DHX16: variants seen among roughly 807,000 people sequenced by gnomAD.
DHX16 encodes DEAH-box helicase 16, also known as pre-mRNA-splicing factor ATP-dependent RNA helicase DHX16.
In DHX16, 81 loss-of-function variants were observed where a neutral mutation model predicts 131.2. The ratio of observed to expected loss-of-function variants is 0.62; its 90% CI spans 0.52 to 0.74. The LOEUF is 0.74. Ranked by LOEUF, DHX16 falls within the 30% of genes least tolerant of loss-of-function variation. The probability of loss-of-function intolerance (pLI) is 0.00; values close to 1 mark genes in which losing one functional copy is unlikely to be tolerated. For synonymous variants in DHX16, 440 were observed against 520.2 expected (o/e 0.85, Z 2.10); for missense variants, 980 against 1,363.1 (o/e 0.72, Z 4.43).
intron 4 of DHX16, among the ~76,000 whole-genome samples, chr6:30,667,989 ATTC>A (rs1191222045): frequency 6.6e-6 from 1 of 152,242 alleles, no homozygotes; most frequent in Admixed American, 6.5e-5. Flanking sequence ...CCTTGACTGC[ATTC>A]TTGTTAGGAA....
Position 30,655,088 on chromosome 6 carries a change from G to A in DHX16, c.2823+87C>T, listed in dbSNP as rs543690636. The A allele has an allele frequency of 1.1e-4, 165 of 1,551,796 alleles. 1 individual carries two copies. Among genetic ancestry groups the A allele is most frequent in the South Asian group, 2.2e-4 (19 of 86,108 alleles). ...CAAGGGGAAGAGGGCATGCTCTCAC[G>A]CTGGAGGAAATGCTGCATGCCCCCA... On this transcript the variant is annotated intron_variant, in intron 18 of 19. Coordinates refer to ENST00000376442, the MANE Select transcript of DHX16 (RefSeq NM_003587.5).
intron 4 of DHX16, among the ~76,000 whole-genome samples, chr6:30,668,464 A>C (rs1769236982): frequency 6.6e-6 from 1 of 152,188 alleles, no homozygotes; most frequent in African/African-American, 2.4e-5. Context: ...CAGACTGGCC[A>C]ACATGGTGAA....
At chr6:30,667,739 C>T (rs1769180469) in intron 4 of DHX16, among the ~76,000 whole-genome samples, 1 of 152,032 alleles carries the variant, frequency 6.6e-6, no homozygotes, top group Non-Finnish European at 1.5e-5. Flanking sequence ...AGTATGTCCC[C>T]GTGATATGAC....
In DHX16 at chr6:30,670,425, T is replaced by C; in HGVS notation, c.651A>G (p.Glu217=). ...EAQKRLKMAE[E]DRKAMVPELR... ...TGGGACTCACCATGGCCTTCCGGTC[T>C]TCCTCGGCCATCTTGAGGCGCTTCT... Residue 217 remains glutamate (E), a synonymous_variant, in exon 4 of 20, where the codon GAA becomes GAG. Coordinates refer to ENST00000376442, the MANE Select transcript of DHX16 (RefSeq NM_003587.5). This position sits in a 1 kb window ranked among gnomAD's most constrained non-coding sequence, Gnocchi z 4.4. The C allele has an allele frequency of 2.5e-6, 4 of 1,611,050 alleles. No homozygotes were observed. The highest frequency in any genetic ancestry group is 3.4e-6 in the Non-Finnish European group (4 of 1,178,984).
At chr6:30,654,580 TTC>T in intron 19 of DHX16, 124 bp downstream of exon 19, 1 of 964,218 alleles carries the variant, frequency 1.0e-6, no homozygotes. Context: ...AAGGATGTCT[TTC>T]TATTTTACCC....
rs1109146 is a variant in DHX16 at position 30,661,871 on chromosome 6, C to A, written c.1544+756G>T. ...TGGCTCTCCATGGGTTCTTAGAGAT[C>A]TTTTGCAAGGGATATGAAGGATAAA... On this transcript the variant is annotated intron_variant, in intron 9 of 19. Coordinates refer to ENST00000376442, the MANE Select transcript of DHX16 (RefSeq NM_003587.5). 5.6e-6 allele frequency: 4 copies of A among 717,866 alleles called. No homozygotes were observed. In the African/African-American group the frequency reaches 7.0e-5, roughly 13 times the overall value. 44.5% of individuals were successfully genotyped at this position (717,866 alleles called of 1,614,324 possible).
chr6:30,661,013 T>TC (rs1768459445), intron 9 of DHX16, among the ~76,000 whole-genome samples: 2 of 149,222 alleles, frequency 1.3e-5, no homozygotes, highest in Admixed American at 1.3e-4. Flanking sequence ...TTCTCCTGCC[T>TC]CAGCCTCCCA....
chr6:30,666,161 C>T (rs1227320867), intron 4 of DHX16, among the ~76,000 whole-genome samples: 2 of 152,160 alleles, frequency 1.3e-5, no homozygotes, highest in Admixed American at 1.3e-4. Flanking sequence ...GTGAGGGGGC[C>T]AACAGGAGGC....
chr6:30,667,032 G>T (rs980537908), intron 4 of DHX16, among the ~76,000 whole-genome samples: 4 of 151,790 alleles, frequency 2.6e-5, no homozygotes, highest in Non-Finnish European at 5.9e-5. Context: ...ATAATGATGT[G>T]AGATTATAAA....
At chr6:30,660,395 C>A in intron 9 of DHX16, 153 bp from the exon 10 acceptor site, 1 of 575,616 alleles carries the variant, frequency 1.7e-6, no homozygotes, top group Non-Finnish European at 2.8e-6. Context: ...AGCCATCCCA[C>A]TTATGTAGAG....
At position 30,662,771 on chromosome 6, in the gene DHX16, T is replaced by A. The variant is rs1439785454; in HGVS notation, c.1429-29A>T. 6.2e-7 allele frequency: 1 copy of A among 1,601,376 alleles called. No homozygotes were observed. Among genetic ancestry groups the A allele is most frequent in the Non-Finnish European group, 8.5e-7 (1 of 1,170,566 alleles). ...GTCAAGGGAACCATTAGCAACCAAG[T>A]GTGGGCTGGTGTGCCCTGAAAGGAA... On this transcript the variant is annotated intron_variant, in intron 8 of 19. Transcript: ENST00000376442. This position sits in a 1 kb window ranked among gnomAD's most constrained non-coding sequence, Gnocchi z 4.7.
In DHX16 at chr6:30,653,616, T is replaced by TCTTGGTCTCCCAAAGTGCTAGGATCCTGC. The variant is rs1554159173; in HGVS notation, c.2998-247_2998-246insGCAGGATCCTAGCACTTTGGGAGACCAAG. Among the ~76,000 whole-genome samples the TCTTGGTCTCCCAAAGTGCTAGGATCCTGC allele has an allele frequency of 2.7e-5, 4 of 150,258 alleles. No homozygotes were observed. The Admixed American group carries it at 2.7e-4, about 10-fold the overall frequency. On this transcript the variant is annotated intron_variant, in intron 19 of 19. Transcript: ENST00000376442. ...GGTCTCACTATGTTGCCTGGGCTGA[T>TCTTGGTCTCCCAAAGTGCTAGGATCCTGC]CTTGGCCTCCCAAAGTGCTGGGATG...
rs771794608 is a variant in DHX16, at chr6:30,659,542, G to A, written c.1937C>T (p.Pro646Leu). ...GTCAGAGGGCAGATTGGCATAAATG[G>A]GCAGCACCAGGAGCTCCCGGATTTT... ...GSKIRELLVL[P>L]IYANLPSDMQ... Residue 646 changes from proline (P) to leucine (L), a missense_variant, in exon 12 of 20, where the codon CCC becomes CTC. Physicochemically the swap from Pro to Leu is moderately conservative, Grantham distance 98. Around this residue, in one of 3 missense-constraint regions of DHX16, gnomAD observed 309 missense variants for 537.1 expected, o/e 0.58. Coordinates refer to ENST00000376442, the MANE Select transcript of DHX16 (RefSeq NM_003587.5). The A allele has an allele frequency of 3.1e-6, 5 of 1,611,428 alleles. No homozygotes were observed. In the Admixed American group the frequency reaches 8.4e-5, roughly 27 times the overall value.
At chr6:30,659,962 C>G in intron 10 of DHX16, 70 bp downstream of exon 10, 1 of 1,568,462 alleles carries the variant, frequency 6.4e-7, no homozygotes, top group South Asian at 1.1e-5. Flanking sequence ...TTTCCCTCCA[C>G]AGGATAACCT....
chr6:30,663,979 C>T (rs990346979), intron 7 of DHX16, among the ~76,000 whole-genome samples: 7 of 151,614 alleles, frequency 4.6e-5, no homozygotes, highest in Middle Eastern at 3.5e-3. Context: ...GAGTCAAGAT[C>T]GCGCCACTGC....
rs746202660 is a variant in DHX16, at chr6:30,662,628, T to C, written c.1543A>G (p.Ser515Gly). The C allele has an allele frequency of 1.2e-6, 2 of 1,612,152 alleles. No homozygotes were observed. The highest frequency in any genetic ancestry group is 1.7e-5 in the Admixed American group (1 of 60,006). Reference protein sequence around the residue: ...FLSEPDLASYSVVMVDEAHER... With the variant: ...FLSEPDLASYGVVMVDEAHER... ...AGAAAGGCCAGAGATTAGAGATACC[T>C]GTAACTCGCCAGGTCAGGCTCAGAG... The change falls in exon 9 of 20, where the codon AGC becomes GGC. Residue 515 changes from serine to glycine, a missense_variant and splice_region_variant. Physicochemically the swap from Ser to Gly is moderately conservative, Grantham distance 56. Around this residue, in one of 3 missense-constraint regions of DHX16, gnomAD observed 309 missense variants for 537.1 expected, o/e 0.58. Coordinates refer to ENST00000376442, the MANE Select transcript of DHX16 (RefSeq NM_003587.5). This position sits in a 1 kb window ranked among gnomAD's most constrained non-coding sequence, Gnocchi z 4.7.
chr6:30,655,109 C>T, intron 18 of DHX16, 66 bp downstream of exon 18: 1 of 1,596,020 alleles, frequency 6.3e-7, no homozygotes, highest in East Asian at 2.2e-5. Context: ...TGCTGCATGC[C>T]CCCAGAGAAG....
intron 4 of DHX16, among the ~76,000 whole-genome samples, chr6:30,668,434 A>G (rs1215404464): frequency 6.6e-6 from 1 of 151,830 alleles, no homozygotes; most frequent in Non-Finnish European, 1.5e-5. Flanking sequence ...GTGGATCGCC[A>G]AAGGTCAGGA....
chr6:30,656,447 CCAGCAGCAGTGT>C lies in DHX16; in HGVS notation c.2362_2373del (p.Thr788_Leu791del). On this transcript the variant is annotated inframe_deletion, in exon 15 of 20. Transcript: ENST00000376442. This position sits in a 1 kb window ranked among gnomAD's most constrained non-coding sequence, Gnocchi z 5.1. ...CCCAGAGCATACAGCTGCTCCAAAG[CCAGCAGCAGTGT>C]CTCATATGGTGGAGGGTCCAGGAAA... 1 of 1,614,146 alleles carries C rather than the reference CCAGCAGCAGTGT, an allele frequency of 6.2e-7. No individual in the cohort carries two copies. Among genetic ancestry groups the C allele is most frequent in the Non-Finnish European group, 8.5e-7 (1 of 1,180,030 alleles).
Sources: gnomAD v4.1 joint callset for allele counts (sites outside exome capture counted in the v4.1 genomes callset) on GRCh38, gnomAD v4.1.1 for gene constraint, gnomAD v4.1.1 regional missense constraint, Gnocchi (gnomAD v3.1) non-coding constraint, MANE v1.5 for transcripts, NCBI Gene and HGNC (gene_info 2026-07-23, HGNC 2026-07-21) for gene names.